Variants in SDHB observed in about 807,000 individuals in gnomAD.
The protein encoded by SDHB is succinate dehydrogenase [ubiquinone] iron-sulfur subunit, mitochondrial.
In SDHB, 21 loss-of-function variants were observed where a neutral mutation model predicts 39.7. That is an observed-to-expected ratio of 0.53 (90% CI 0.37 to 0.76). The LOEUF (loss-of-function observed/expected upper bound fraction) is 0.76, where lower values mean the gene tolerates loss of function less well. Among genes scored for constraint, SDHB ranks in the 30% least tolerant of loss-of-function variants. SDHB has a pLI of 0.00. For synonymous variants in SDHB, 118 were observed against 117.0 expected, an observed-to-expected ratio of 1.01 and a Z score of -0.06; for missense variants, 343 against 350.9, an observed-to-expected ratio of 0.98 and a Z score of 0.18.
intron 7 of SDHB, among the ~76,000 whole-genome samples, chr1:17,019,457 G>C (rs775351441): frequency 3.3e-5 from 5 of 152,110 alleles, no homozygotes; most frequent in Non-Finnish European, 5.9e-5. Context: ...CAATACCATT[G>C]GTATTAGCTG....
At chr1:17,044,334 T>TC (rs1251031552) in intron 2 of SDHB, among the ~76,000 whole-genome samples, 1 of 151,978 alleles carries the variant, frequency 6.6e-6, no homozygotes, top group Non-Finnish European at 1.5e-5. Context: ...CATTTTTTTT[T>TC]TTTTTTTGGA....
At chr1:17,048,626 A>C (rs1465623750) in intron 1 of SDHB, among the ~76,000 whole-genome samples, 1 of 152,202 alleles carries the variant, frequency 6.6e-6, no homozygotes, top group Non-Finnish European at 1.5e-5. Context: ...AAGTGGGACA[A>C]TATGCCTTTT....
chr1:17,025,983 C>T (rs1477925266), intron 5 of SDHB, among the ~76,000 whole-genome samples: 2 of 152,138 alleles, frequency 1.3e-5, no homozygotes, highest in African/African-American at 4.8e-5. Flanking sequence ...GCAAATATTC[C>T]AAAATCTGAA....
intron 1 of SDHB, among the ~76,000 whole-genome samples, chr1:17,052,880 T>C (rs1274493441): frequency 1.3e-5 from 2 of 152,156 alleles, no homozygotes; most frequent in Non-Finnish European, 2.9e-5. Flanking sequence ...TGTCCCAAGA[T>C]CTATGCTAAG....
In SDHB at chr1:17,023,803, A is replaced by G. The variant is rs956217887; in HGVS notation, c.642+170T>C. On this transcript the variant is annotated intron_variant, in intron 6 of 7. Coordinates refer to ENST00000375499, the MANE Select transcript of SDHB (RefSeq NM_003000.3). Reference sequence around the variant, plus strand: ...AGGCAATTTGCAGACAAGGCCCCAGATTTACCGAAAGCAAGTGAATACAAT... The same window carrying G: ...AGGCAATTTGCAGACAAGGCCCCAGGTTTACCGAAAGCAAGTGAATACAAT... 3.3e-5 allele frequency among the ~76,000 whole-genome samples: 5 copies of G among 152,230 alleles called. No homozygotes were observed. The East Asian group carries it at 9.6e-4, about 29-fold the overall frequency.
At position 17,028,605 on chromosome 1, in the gene SDHB, C is replaced by A. The variant is rs267607032; in HGVS notation, c.418G>T (p.Val140Phe). The change falls in exon 4 of 8, where the codon GTT (valine) becomes TTT (phenylalanine). Residue 140 changes from valine (V) to phenylalanine (F), a missense_variant. By Grantham distance (50) the Val-to-Phe change is conservative. Transcript: ENST00000375499. ...AGAGAGATGCAGAAACTCACGGGAACAAGATCCTTTATCACATACATGTGT... is the reference window on the plus strand; with the variant it reads ...AGAGAGATGCAGAAACTCACGGGAAAAAGATCCTTTATCACATACATGTGT... ...LPHMYVIKDLVPDLSNFYAQY... is the reference protein window; with the variant it reads ...LPHMYVIKDLFPDLSNFYAQY... 7 of 1,614,050 alleles carry A rather than the reference C, an allele frequency of 4.3e-6. No homozygotes were observed. The highest frequency in any genetic ancestry group is 5.9e-6 in the Non-Finnish European group (7 of 1,180,038).
At chr1:17,024,647 G>A (rs748399833) in intron 5 of SDHB, among the ~76,000 whole-genome samples, 9 of 152,172 alleles carry the variant, frequency 5.9e-5, no homozygotes, top group African/African-American at 1.9e-4. Context: ...GAACCAAGGC[G>A]AGGAGAGTGA....
chr1:17,051,315 A>G (rs2078146064), intron 1 of SDHB, among the ~76,000 whole-genome samples: 1 of 152,230 alleles, frequency 6.6e-6, no homozygotes, highest in Non-Finnish European at 1.5e-5. Flanking sequence ...TATGAATTTC[A>G]TAGTTTATAA....
rs768454654 is a variant in SDHB, at chr1:17,027,770, G to A, written c.519C>T (p.Ser173=). 10 of 1,602,148 alleles carry A rather than the reference G, an allele frequency of 6.2e-6. 1 individual carries two copies. In the South Asian group the frequency reaches 1.1e-4, roughly 18 times the overall value. Residue 173 remains serine, a synonymous_variant, in exon 5 of 8, where the codon TCC becomes TCT. Transcript: ENST00000375499. The part of the protein sequence containing the change: ...SQEGKQQYLQ[S]IEEREKLDGL... ...TGACCAGTTTCTCACGCTCTTCTAT[G>A]GACTGCAGATACTGCTGCTTGCCTT...
At chr1:17,046,429 G>A (rs939756711) in intron 1 of SDHB, among the ~76,000 whole-genome samples, 1 of 151,984 alleles carries the variant, frequency 6.6e-6, no homozygotes, top group African/African-American at 2.4e-5. Context: ...AATTTTAAGG[G>A]TATAATGAGT....
chr1:17,028,679 C>A lies in SDHB; in HGVS notation c.344G>T (p.Arg115Leu), dbSNP rs200973284. The change falls in exon 4 of 8, where the codon CGA (arginine) becomes CTA (leucine). Residue 115 changes from arginine to leucine, a missense_variant. Transcript: ENST00000375499. Reference protein sequence around the residue: ...INGGNTLACTRRIDTNLNKVS... With the variant: ...INGGNTLACTLRIDTNLNKVS... Reference sequence around the variant, plus strand: ...CTTATTGAGGTTGGTGTCAATCCTTCGGGTGCAAGCTAGAGTGTTGCCTCC... The same window carrying A: ...CTTATTGAGGTTGGTGTCAATCCTTAGGGTGCAAGCTAGAGTGTTGCCTCC... The A allele has an allele frequency of 5.6e-6, 9 of 1,614,100 alleles. No individual in the cohort carries two copies. In the South Asian group the frequency reaches 8.8e-5, roughly 16 times the overall value.
intron 2 of SDHB, among the ~76,000 whole-genome samples, chr1:17,041,789 A>G (rs2078081549): frequency 1.3e-5 from 2 of 152,236 alleles, no homozygotes; most frequent in Non-Finnish European, 2.9e-5. Flanking sequence ...GCTGCACGCA[A>G]GATGTGGGCA....
At chr1:17,032,017 T>C (rs930282364) in intron 3 of SDHB, among the ~76,000 whole-genome samples, 1 of 152,150 alleles carries the variant, frequency 6.6e-6, no homozygotes, top group African/African-American at 2.4e-5. Flanking sequence ...GGGCACACAG[T>C]CTGGCTCCAC....
intron 2 of SDHB, among the ~76,000 whole-genome samples, chr1:17,043,992 A>C (rs1033773560): frequency 6.6e-6 from 1 of 152,226 alleles, no homozygotes; most frequent in Non-Finnish European, 1.5e-5. Flanking sequence ...ACTATAAGAT[A>C]ATACATTTAG....
chr1:17,019,752 A>T (rs1047656128), intron 7 of SDHB, among the ~76,000 whole-genome samples: 2 of 152,280 alleles, frequency 1.3e-5, no homozygotes, highest in African/African-American at 4.8e-5. Flanking sequence ...GAAAAAATAT[A>T]TATTTTTTTG....
chr1:17,049,795 G>A (rs2078135290), intron 1 of SDHB, among the ~76,000 whole-genome samples: 1 of 151,290 alleles, frequency 6.6e-6, no homozygotes, highest in African/African-American at 2.4e-5. Context: ...ACAGGCGCGT[G>A]TCACACGCCC....
At chr1:17,041,063 G>C (rs1302919637) in intron 2 of SDHB, among the ~76,000 whole-genome samples, 1 of 152,102 alleles carries the variant, frequency 6.6e-6, no homozygotes, top group Non-Finnish European at 1.5e-5. Context: ...CTGGAAGGCA[G>C]AGGTTGCAGT....
intron 7 of SDHB, among the ~76,000 whole-genome samples, chr1:17,022,187 A>G (rs1270049292): frequency 2.0e-5 from 3 of 152,236 alleles, no homozygotes; most frequent in Non-Finnish European, 4.4e-5. Flanking sequence ...AAACCTCCAC[A>G]GAGCCGAAGG....
rs1046148519 is a variant in SDHB at position 17,018,784 on chromosome 1, T to A, written c.*97A>T. 1.2e-6 allele frequency: 1 copy of A among 822,274 alleles called. No homozygotes were observed. The highest frequency in any genetic ancestry group is 2.1e-6 in the Non-Finnish European group (1 of 472,734). The allele number at this position is 822,274 out of a possible 1,614,324, so 50.9% of individuals were successfully genotyped here. On this transcript the variant is annotated 3_prime_UTR_variant, in exon 8 of 8. Coordinates refer to ENST00000375499, the MANE Select transcript of SDHB (RefSeq NM_003000.3). ...CTTAAAATTTTTATTATACATGCTG[T>A]ATTCATGGAAAACCAAGATCTTTAA...
Sources: gnomAD v4.1 joint callset for allele counts (sites outside exome capture counted in the v4.1 genomes callset) on GRCh38, gnomAD v4.1.1 for gene constraint, MANE v1.5 for transcripts, NCBI Gene and HGNC (gene_info 2026-07-23, HGNC 2026-07-21) for gene names.